The following ZNF248 variants were observed in gnomAD, a reference collection of about 807,000 sequenced individuals.
ZNF248 encodes the protein KRAB protein domain.
In ZNF248, 20 loss-of-function variants were observed where a neutral mutation model predicts 44.3. The observed-to-expected ratio is 0.45, with a 90% CI of 0.32 to 0.66. The LOEUF is 0.66. ZNF248 is among the 30% of genes least tolerant of loss of function. The pLI, the probability that ZNF248 is intolerant of heterozygous loss-of-function variation, is 0.04. For missense variants in ZNF248, 654 were observed against 677.0 expected (o/e 0.97, Z 0.38); for synonymous variants, 224 against 229.0 (o/e 0.98, Z 0.20).
chr10:37,826,218 A>T (rs988305091), downstream of ZNF248, among the ~76,000 whole-genome samples: 1 of 152,178 alleles, frequency 6.6e-6, no homozygotes, highest in Non-Finnish European at 1.5e-5. Context: ...GAAATATAAG[A>T]AGTAATATAA....
chr10:37,856,794 C>A (rs1243288565), intron 1 of ZNF248: 3 of 904,560 alleles, frequency 3.3e-6, no homozygotes, highest in East Asian at 1.2e-4. Context: ...TCAAAAGGAT[C>A]TTTTAATGAG....
At chr10:37,839,720 C>T (rs2057984226) in intron 3 of ZNF248, among the ~76,000 whole-genome samples, 1 of 152,092 alleles carries the variant, frequency 6.6e-6, no homozygotes, top group Admixed American at 6.6e-5. Flanking sequence ...GAAATATACA[C>T]CATAATTGGA....
intron 6 of ZNF248, among the ~76,000 whole-genome samples, chr10:37,799,846 C>T (rs898122522): frequency 1.3e-5 from 2 of 152,106 alleles, no homozygotes; most frequent in African/African-American, 4.8e-5. Context: ...TTAGATTTGT[C>T]CTCATATTAT....
chr10:37,769,144 A>G, the ZNF248 span, among the ~76,000 whole-genome samples: 6 of 152,122 alleles, frequency 3.9e-5, no homozygotes, highest in African/African-American at 1.4e-4. Context: ...CTTACCAACC[A>G]AAAAAAGTCC....
chr10:37,842,957 A>G (rs2058616284), intron 3 of ZNF248, among the ~76,000 whole-genome samples: 1 of 152,208 alleles, frequency 6.6e-6, no homozygotes, highest in South Asian at 2.1e-4. Flanking sequence ...CGAAGGCTAA[A>G]GCAAGGTTGT....
chr10:37,780,845 C>T (rs186922012), intron 6 of ZNF248, among the ~76,000 whole-genome samples: 3 of 152,164 alleles, frequency 2.0e-5, no homozygotes, highest in Admixed American at 6.5e-5. Flanking sequence ...TTGTCACACT[C>T]GGGCTGAATC....
intron 6 of ZNF248, chr10:37,818,939 T>C: frequency 9.0e-7 from 1 of 1,106,936 alleles, no homozygotes. Flanking sequence ...CACACAACAA[T>C]TTTATTTGAG....
At chr10:37,849,696 A>T (rs1148291) in intron 3 of ZNF248, among the ~76,000 whole-genome samples, 9,741 of 151,974 alleles carry the variant, frequency 0.064, 371 homozygotes, top group Middle Eastern at 0.1. Flanking sequence ...AAAAAAAAAA[A>T]TTTTTCAAAG....
chr10:37,845,242 T>C (rs2059130248), intron 3 of ZNF248, among the ~76,000 whole-genome samples: 1 of 151,950 alleles, frequency 6.6e-6, no homozygotes, highest in Non-Finnish European at 1.5e-5. Flanking sequence ...GGTCTCGAAC[T>C]CCTGGACTCA....
At chr10:37,844,172 G>A (rs1017320149) in intron 3 of ZNF248, among the ~76,000 whole-genome samples, 2 of 152,144 alleles carry the variant, frequency 1.3e-5, no homozygotes, top group African/African-American at 4.8e-5. Context: ...ACACCATAGA[G>A]ACCAGAAGGC....
intron 6 of ZNF248, chr10:37,820,144 AT>A (rs1208280939): frequency 9.1e-7 from 1 of 1,094,530 alleles, no homozygotes; most frequent in African/African-American, 1.5e-5. Context: ...TAAATCATCT[AT>A]TCTTCCCTCC....
At position 37,838,007 on chromosome 10, in the gene ZNF248, A is replaced by G; in HGVS notation, c.120T>C (p.Asn40=). 1.2e-6 allele frequency: 2 copies of G among 1,613,470 alleles called. No individual in the cohort carries two copies. The highest frequency in any genetic ancestry group is 8.5e-7 in the Non-Finnish European group (1 of 1,179,654). The change falls in exon 4 of 6, where the codon AAT becomes AAC. Residue 40 remains asparagine, a synonymous_variant. Transcript: ENST00000395867. ...TACCTACTGAGACAAGATTGCTATA[A>G]TTTTCCAGGATCACATCTCTGTATA... The part of the protein sequence containing the change: ...KILYRDVILE[N]YSNLVSVGYC...
At chr10:37,804,657 G>T (rs1208682) in intron 6 of ZNF248, among the ~76,000 whole-genome samples, 9,137 of 152,226 alleles carry the variant, frequency 0.06, 353 homozygotes, top group Middle Eastern at 0.095. Flanking sequence ...GGCTGGTCTC[G>T]AACTCCTGGG....
At chr10:37,765,717 A>C in the ZNF248 span, among the ~76,000 whole-genome samples, 8 of 152,158 alleles carry the variant, frequency 5.3e-5, no homozygotes, top group Non-Finnish European at 8.8e-5. Flanking sequence ...ATTTCCATCT[A>C]AGGTACTGGG....
At chr10:37,792,669 T>C (rs1259499252) in intron 6 of ZNF248, among the ~76,000 whole-genome samples, 1 of 152,180 alleles carries the variant, frequency 6.6e-6, no homozygotes, top group Non-Finnish European at 1.5e-5. Flanking sequence ...GGGTACCTAA[T>C]CTCTGTGGTA....
intron 6 of ZNF248, chr10:37,795,461 A>G (rs1448950860): frequency 6.6e-6 from 1 of 152,148 alleles, no homozygotes; most frequent in African/African-American, 2.4e-5. Flanking sequence ...GTGCTTTCAC[A>G]GTCATTAAAT....
chr10:37,849,136 T>C (rs766900056), intron 3 of ZNF248, among the ~76,000 whole-genome samples: 1 of 151,812 alleles, frequency 6.6e-6, no homozygotes, highest in Non-Finnish European at 1.5e-5. Flanking sequence ...GAAAGAGCAG[T>C]AAGAAATTAA....
At chr10:37,778,929 T>C (rs1327360586) in intron 6 of ZNF248, among the ~76,000 whole-genome samples, 2 of 152,092 alleles carry the variant, frequency 1.3e-5, no homozygotes, top group African/African-American at 4.8e-5. Flanking sequence ...ATGGATACAT[T>C]CCTCAACACA....
chr10:37,788,029 G>A (rs1159531906), intron 6 of ZNF248, among the ~76,000 whole-genome samples: 1 of 152,060 alleles, frequency 6.6e-6, no homozygotes, highest in Non-Finnish European at 1.5e-5. Context: ...AGCACTTTGG[G>A]AGGCTGAGGC....
Sources: gnomAD v4.1 joint callset for allele counts (sites outside exome capture counted in the v4.1 genomes callset) on GRCh38, gnomAD v4.1.1 for gene constraint, MANE v1.5 for transcripts, NCBI Gene and HGNC (gene_info 2026-07-23, HGNC 2026-07-21) for gene names.